Variants in ANKRD18B observed in about 807,000 individuals in gnomAD.
The protein encoded by ANKRD18B is ankyrin repeat domain-containing protein 18B.
Under a neutral mutation model 111.8 loss-of-function variants are expected in ANKRD18B, and 75 were observed. The ratio of observed to expected loss-of-function variants is 0.67; its 90% confidence interval spans 0.56 to 0.81. ANKRD18B has a LOEUF of 0.81. ANKRD18B is among the 40% of genes least tolerant of loss of function. ANKRD18B has a pLI of 0.00. For missense variants in ANKRD18B, 1,038 were observed against 1,225.5 expected, an observed-to-expected ratio of 0.85 and a Z score of 2.28; for synonymous variants, 356 against 417.3, an observed-to-expected ratio of 0.85 and a Z score of 1.79.
chr9:33,529,552 T>C (rs1180700918), intron 3 of ANKRD18B, among the ~76,000 whole-genome samples: 1 of 152,234 alleles, frequency 6.6e-6, no homozygotes, highest in Non-Finnish European at 1.5e-5. Flanking sequence ...TTGCTGCTGA[T>C]GGTTTTCTAA....
chr9:33,529,164 A>C lies in ANKRD18B; in HGVS notation c.486A>C (p.Ala162=). ...TTTCCCACCATGCAAATATTGAAGCACTAAACAAGGTACAGATCAATCAAC... is the reference window on the plus strand; with the variant it reads ...TTTCCCACCATGCAAATATTGAAGCCCTAAACAAGGTACAGATCAATCAAC... ...RLLSHHANIE[A]LNKEGNTPLL... The change falls in exon 3 of 19, where the codon GCA becomes GCC. Residue 162 remains alanine (A), a synonymous_variant. Transcript: ENST00000684830. 6.2e-7 allele frequency: 1 copy of C among 1,611,006 alleles called. No individual in the cohort carries two copies. Among genetic ancestry groups the C allele is most frequent in the Non-Finnish European group, 8.5e-7 (1 of 1,179,432 alleles).
intron 3 of ANKRD18B, among the ~76,000 whole-genome samples, chr9:33,529,537 A>T (rs1473142989): frequency 6.6e-6 from 1 of 152,192 alleles, no homozygotes; most frequent in Non-Finnish European, 1.5e-5. Flanking sequence ...CAATAAATAG[A>T]AGTATTGCTG....
intron 5 of ANKRD18B, among the ~76,000 whole-genome samples, chr9:33,534,776 A>G (rs1317884753): frequency 6.6e-6 from 1 of 150,448 alleles, no homozygotes; most frequent in Non-Finnish European, 1.5e-5. Flanking sequence ...TAACTCTTAT[A>G]TATGAGATAG....
chr9:33,557,905 T>C (rs1828550495), intron 13 of ANKRD18B, among the ~76,000 whole-genome samples, 153 bp from the exon 14 acceptor site: 4 of 152,298 alleles, frequency 2.6e-5, no homozygotes, highest in African/African-American at 7.2e-5. Context: ...TAATTTCATA[T>C]AGAATGCTTT....
At chr9:33,570,022 C>A (rs1732337195) in intron 17 of ANKRD18B, among the ~76,000 whole-genome samples, 1 of 152,126 alleles carries the variant, frequency 6.6e-6, no homozygotes, top group Non-Finnish European at 1.5e-5. Context: ...GCACTATTCA[C>A]AATAACAAAG....
chr9:33,568,756 A>T lies in ANKRD18B; in HGVS notation c.3040A>T (p.Arg1014Trp). Reference protein sequence around the residue: ...MEYFLSTLPMRPDPELPCVEN... With the variant: ...MEYFLSTLPMWPDPELPCVEN... ...ATATTTTCTCAGCACTCTTCCTATG[A>T]GGCCAGACCCAGAGTTACCTTGTGT... The change falls in exon 17 of 19, where the codon AGG becomes TGG. Residue 1014 changes from arginine (R) to tryptophan (W), a missense_variant. Transcript: ENST00000684830. The T allele has an allele frequency of 6.4e-7, 1 of 1,551,494 alleles. No homozygotes were observed.
intron 3 of ANKRD18B, among the ~76,000 whole-genome samples, chr9:33,531,078 A>G (rs1828108498): frequency 6.6e-6 from 1 of 152,226 alleles, no homozygotes; most frequent in African/African-American, 2.4e-5. Context: ...AGTTTTAAAC[A>G]CTGAAATCCT....
chr9:33,536,957 G>A lies in ANKRD18B; in HGVS notation c.808+12G>A, dbSNP rs1385704523. On this transcript the variant is annotated intron_variant, in intron 6 of 18. Coordinates refer to ENST00000684830, the MANE Select transcript of ANKRD18B (RefSeq NM_001393611.1). ...AAATGACAATCAAGGTAAGACTTCTGATAGTAAATTTCTCATTTCCCTTGG... is the reference window on the plus strand; with the variant it reads ...AAATGACAATCAAGGTAAGACTTCTAATAGTAAATTTCTCATTTCCCTTGG... 31 of 1,458,166 alleles carry A rather than the reference G, an allele frequency of 2.1e-5. No homozygotes were observed. Among genetic ancestry groups the A allele is most frequent in the African/African-American group, 4.4e-5 (3 of 68,200 alleles). 90.3% of individuals were successfully genotyped at this position (1,458,166 alleles called of 1,614,324 possible). A position where few individuals can be genotyped will look rare whatever the true frequency, so the allele number is the denominator to read the frequency against.
intron 5 of ANKRD18B, among the ~76,000 whole-genome samples, chr9:33,535,496 C>T: frequency 6.6e-6 from 1 of 151,638 alleles, no homozygotes; most frequent in Admixed American, 6.6e-5. Context: ...ACCATGTTAG[C>T]CAGGATGGTC....
At chr9:33,541,318 G>C in intron 9 of ANKRD18B, 91 bp downstream of exon 9, 2 of 1,474,126 alleles carry the variant, frequency 1.4e-6, no homozygotes, top group Non-Finnish European at 1.8e-6. Flanking sequence ...TAGTTTCCTT[G>C]TCACAAATCC....
chr9:33,546,712 A>G (rs1217685005), intron 10 of ANKRD18B, among the ~76,000 whole-genome samples: 1 of 152,130 alleles, frequency 6.6e-6, no homozygotes, highest in Non-Finnish European at 1.5e-5. Context: ...ATGTAATTGT[A>G]TCTTCCCTTT....
downstream of ANKRD18B, chr9:33,573,339 G>A: frequency 4.1e-6 from 4 of 973,420 alleles, no homozygotes; most frequent in Non-Finnish European, 4.9e-6. Context: ...CAGTCCTCAT[G>A]TGGTCCCTGG....
In ANKRD18B at chr9:33,558,138, A is replaced by C. The variant is rs1403886558; in HGVS notation, c.2411A>C (p.Asn804Thr). 6.2e-7 allele frequency: 1 copy of C among 1,611,984 alleles called. No individual in the cohort carries two copies. Among genetic ancestry groups the C allele is most frequent in the Non-Finnish European group, 8.5e-7 (1 of 1,179,240 alleles). Residue 804 changes from asparagine to threonine, a missense_variant, in exon 14 of 19, where the codon AAT becomes ACT. By Grantham distance (65) the Asn-to-Thr change is moderately conservative. Coordinates refer to ENST00000684830, the MANE Select transcript of ANKRD18B (RefSeq NM_001393611.1). ...NEDFSCHGDLNTDQLKMDILF... is the reference protein window; with the variant it reads ...NEDFSCHGDLTTDQLKMDILF... ...GACTTCAGTTGCCATGGAGACTTAA[A>C]TACAGACCAACTGAAAATGGATATT...
At chr9:33,535,919 A>G (rs1414430962) in intron 5 of ANKRD18B, among the ~76,000 whole-genome samples, 1 of 151,436 alleles carries the variant, frequency 6.6e-6, no homozygotes, top group African/African-American at 2.4e-5. Context: ...TGAGTAGCAC[A>G]CGGGATGTTA....
At position 33,529,078 on chromosome 9, in the gene ANKRD18B, G is replaced by A. The variant is rs766040903; in HGVS notation, c.400G>A (p.Gly134Ser). 33 of 1,611,858 alleles carry A rather than the reference G, an allele frequency of 2.0e-5. No individual in the cohort carries two copies. Among genetic ancestry groups the A allele is most frequent in the African/African-American group, 1.9e-4 (14 of 74,810 alleles). ...CAATCCAAACATTAAGGATATCTAC[G>A]GCAACACTGCTCTCCATTATGCCGT... is the stretch of plus-strand genomic sequence containing the variant. ...GANPNIKDIY[G>S]NTALHYAVYN... Residue 134 changes from glycine (G) to serine (S), a missense_variant, in exon 3 of 19, where the codon GGC becomes AGC. Around this residue, in one of 4 missense-constraint regions of ANKRD18B, gnomAD observed 216 missense variants for 205.1 expected, o/e 1.05. Coordinates refer to ENST00000684830, the MANE Select transcript of ANKRD18B (RefSeq NM_001393611.1).
At chr9:33,562,880 T>G (rs1828627635) in intron 14 of ANKRD18B, among the ~76,000 whole-genome samples, 1 of 152,240 alleles carries the variant, frequency 6.6e-6, no homozygotes, top group Admixed American at 6.5e-5. Flanking sequence ...AAGCTTCTTC[T>G]TTTAGAATTT....
At chr9:33,571,533 T>C (rs1308254949) in intron 18 of ANKRD18B, 2 of 160,590 alleles carry the variant, frequency 1.2e-5, no homozygotes, top group Middle Eastern at 3.0e-3. Context: ...ATCTCTTTTT[T>C]ACTGATTCTG....
chr9:33,529,083 C>T lies in ANKRD18B; in HGVS notation c.405C>T (p.Asn135=), dbSNP rs1179290316. The change falls in exon 3 of 19, where the codon AAC becomes AAT. Residue 135 remains asparagine, a synonymous_variant. Coordinates refer to ENST00000684830, the MANE Select transcript of ANKRD18B (RefSeq NM_001393611.1). The part of the protein sequence containing the change: ...ANPNIKDIYG[N]TALHYAVYNE... ...CAAACATTAAGGATATCTACGGCAA[C>T]ACTGCTCTCCATTATGCCGTGTATA... The T allele has an allele frequency of 1.9e-6, 3 of 1,612,056 alleles. No individual in the cohort carries two copies. Among genetic ancestry groups the T allele is most frequent in the Non-Finnish European group, 2.5e-6 (3 of 1,179,852 alleles).
At chr9:33,565,966 A>G (rs1204203831) in intron 14 of ANKRD18B, among the ~76,000 whole-genome samples, 1 of 152,220 alleles carries the variant, frequency 6.6e-6, no homozygotes, top group Non-Finnish European at 1.5e-5. Flanking sequence ...AATTATCAGA[A>G]AAATAAAAGT....
Sources: gnomAD v4.1 joint callset for allele counts (sites outside exome capture counted in the v4.1 genomes callset) on GRCh38, gnomAD v4.1.1 for gene constraint, gnomAD v4.1.1 regional missense constraint, MANE v1.5 for transcripts, NCBI Gene and HGNC (gene_info 2026-07-23, HGNC 2026-07-21) for gene names.